Variants in GUCY1A2 observed in about 807,000 individuals in gnomAD.
GUCY1A2 encodes guanylate cyclase 1 soluble subunit alpha 2.
Under a neutral mutation model 63.5 loss-of-function variants are expected in GUCY1A2, and 27 were observed. The ratio of observed to expected loss-of-function variants is 0.43; its 90% CI spans 0.31 to 0.59. GUCY1A2 has a LOEUF of 0.59. GUCY1A2 is among the 20% of genes least tolerant of loss of function. The pLI, the probability that GUCY1A2 is intolerant of heterozygous loss-of-function variation, is 0.11. For synonymous variants in GUCY1A2, 364 were observed against 343.5 expected (o/e 1.06, Z -0.66); for missense variants, 768 against 913.3 (o/e 0.84, Z 2.05).
chr11:106,841,965 C>G (rs1235536687), intron 4 of GUCY1A2, among the ~76,000 whole-genome samples: 1 of 151,852 alleles, frequency 6.6e-6, no homozygotes, highest in Non-Finnish European at 1.5e-5. Context: ...CTGCTCTGTA[C>G]CCCAGGAAGA....
intron 4 of GUCY1A2, among the ~76,000 whole-genome samples, chr11:106,891,031 T>C (rs1021564685): frequency 1.3e-5 from 2 of 152,170 alleles, no homozygotes; most frequent in African/African-American, 4.8e-5. Context: ...AGAAGTATGA[T>C]TAACATTACT....
At chr11:106,863,280 T>C (rs1025019603) in intron 4 of GUCY1A2, among the ~76,000 whole-genome samples, 1 of 152,180 alleles carries the variant, frequency 6.6e-6, no homozygotes, top group African/African-American at 2.4e-5. Context: ...CGGTCTTAGA[T>C]TTAAGTCTTT....
At chr11:106,901,623 C>T (rs1860134208) in intron 4 of GUCY1A2, among the ~76,000 whole-genome samples, 1 of 151,196 alleles carries the variant, frequency 6.6e-6, no homozygotes, top group Non-Finnish European at 1.5e-5. Context: ...AGGTATATCT[C>T]CTAAATCTTT....
At chr11:106,693,010 C>T (rs1337008518) in intron 7 of GUCY1A2, among the ~76,000 whole-genome samples, 3 of 152,106 alleles carry the variant, frequency 2.0e-5, no homozygotes, top group East Asian at 1.9e-4. Flanking sequence ...TTTGTTTCAA[C>T]AACTGGAAAG....
chr11:106,975,389 G>A (rs1281803268), intron 3 of GUCY1A2, among the ~76,000 whole-genome samples: 1 of 152,092 alleles, frequency 6.6e-6, no homozygotes, highest in Non-Finnish European at 1.5e-5. Flanking sequence ...CTAAAAATAG[G>A]CTTTGCAGAT....
intron 7 of GUCY1A2, 58 bp from the exon 8 acceptor site, chr11:106,687,814 G>T: frequency 8.5e-7 from 1 of 1,181,098 alleles, no homozygotes; most frequent in Non-Finnish European, 1.3e-6. Context: ...TAAATACATG[G>T]ACAGAAATTT....
rs138306779 is a variant in GUCY1A2, at chr11:106,712,226, G to T, written c.1837-3560C>A. On this transcript the variant is annotated intron_variant, in intron 6 of 7. Coordinates refer to ENST00000526355, the MANE Select transcript of GUCY1A2 (RefSeq NM_000855.3). ...TAAAATAATTTTCTCCATTTATTTG[G>T]GATAATTTCTATTGCTATGTCTTCA... 6.6e-3 allele frequency among the ~76,000 whole-genome samples: 1,006 copies of T among 151,866 alleles called. 13 individuals are homozygous for T. The highest frequency in any genetic ancestry group is 0.022 in the African/African-American group (911 of 41,420).
chr11:106,927,856 G>A lies in GUCY1A2; in HGVS notation c.1206+11604C>T, dbSNP rs563424056. Among the ~76,000 whole-genome samples, 3 of 151,538 alleles carry A rather than the reference G, an allele frequency of 2.0e-5. No homozygotes were observed. In the South Asian group the frequency reaches 6.3e-4, roughly 32 times the overall value. ...CAAAGTGCTGGGATTACAGGCGTGA[G>A]CCACCACGCCCGGCCTGGAATAAGT... On this transcript the variant is annotated intron_variant, in intron 4 of 7. Coordinates refer to ENST00000526355, the MANE Select transcript of GUCY1A2 (RefSeq NM_000855.3).
chr11:106,856,105 A>ATC (rs1565311261), intron 4 of GUCY1A2, among the ~76,000 whole-genome samples: 1 of 146,084 alleles, frequency 6.8e-6, no homozygotes, highest in African/African-American at 2.5e-5. Context: ...TTTTTTTTGT[A>ATC]TTTTTTTTTT....
At chr11:106,707,746 G>A (rs1283913073) in intron 7 of GUCY1A2, among the ~76,000 whole-genome samples, 1 of 151,920 alleles carries the variant, frequency 6.6e-6, no homozygotes, top group African/African-American at 2.4e-5. Context: ...ATATCTAATA[G>A]GGGAAATTTC....
intron 5 of GUCY1A2, among the ~76,000 whole-genome samples, chr11:106,804,497 A>C (rs1858653272): frequency 6.6e-6 from 1 of 152,238 alleles, no homozygotes; most frequent in South Asian, 2.1e-4. Flanking sequence ...GAAAGGCAAC[A>C]AAACAAGGTG....
chr11:106,981,426 A>G (rs1046715844), intron 2 of GUCY1A2, among the ~76,000 whole-genome samples: 5 of 151,364 alleles, frequency 3.3e-5, no homozygotes, highest in African/African-American at 9.7e-5. Flanking sequence ...GACTAATATG[A>G]GTTTGGCAAC....
At chr11:107,017,659 G>T (rs1330727250) in intron 1 of GUCY1A2, 94 bp downstream of exon 1, 1 of 683,524 alleles carries the variant, frequency 1.5e-6, no homozygotes, top group East Asian at 3.7e-5. Flanking sequence ...CCAGCGGTCG[G>T]GCTCTGCGCT....
chr11:106,881,367 A>C (rs897509197), intron 4 of GUCY1A2, among the ~76,000 whole-genome samples: 1 of 152,094 alleles, frequency 6.6e-6, no homozygotes, highest in African/African-American at 2.4e-5. Flanking sequence ...CTCTGACTTC[A>C]TGAATTATTA....
At chr11:106,782,556 T>G (rs547793495) in intron 5 of GUCY1A2, among the ~76,000 whole-genome samples, 1 of 152,236 alleles carries the variant, frequency 6.6e-6, no homozygotes, top group South Asian at 2.1e-4. Context: ...CTGAGAGAAC[T>G]GGGCCACACC....
intron 1 of GUCY1A2, among the ~76,000 whole-genome samples, chr11:107,016,731 C>T (rs1290367516): frequency 2.0e-5 from 3 of 149,864 alleles, no homozygotes; most frequent in Non-Finnish European, 4.4e-5. Flanking sequence ...GTTTAAATAG[C>T]TAATGTGAGA....
rs1410705205 is a variant in GUCY1A2 at position 106,686,528 on chromosome 11, C to T, written c.*1021G>A. On this transcript the variant is annotated 3_prime_UTR_variant, in exon 8 of 8. Coordinates refer to ENST00000526355, the MANE Select transcript of GUCY1A2 (RefSeq NM_000855.3). ...GGAATTTGTTCTCAAGAATAGCAGT[C>T]GGCTCTTAGGAGGCATCAACTGGGG... is the stretch of plus-strand genomic sequence containing the variant. 1.8e-5 allele frequency: 4 copies of T among 216,378 alleles called. No individual in the cohort carries two copies. Among genetic ancestry groups the T allele is most frequent in the South Asian group, 3.7e-4 (2 of 5,388 alleles). 13.4% of individuals were successfully genotyped at this position (216,378 alleles called of 1,614,324 possible). A position where few individuals can be genotyped will look rare whatever the true frequency, so the allele number is the denominator to read the frequency against.
At chr11:106,791,748 CT>C (rs1864664955) in intron 5 of GUCY1A2, among the ~76,000 whole-genome samples, 1 of 151,196 alleles carries the variant, frequency 6.6e-6, no homozygotes, top group Non-Finnish European at 1.5e-5. Flanking sequence ...CCAAGTCCAC[CT>C]CTCATGCCAC....
chr11:106,900,233 G>C (rs1316418556), intron 4 of GUCY1A2, among the ~76,000 whole-genome samples: 2 of 152,082 alleles, frequency 1.3e-5, no homozygotes, highest in Non-Finnish European at 2.9e-5. Flanking sequence ...ACCCAGGCTG[G>C]AGTACAGCGG....
Sources: gnomAD v4.1 joint callset for allele counts (sites outside exome capture counted in the v4.1 genomes callset) on GRCh38, gnomAD v4.1.1 for gene constraint, MANE v1.5 for transcripts, NCBI Gene and HGNC (gene_info 2026-07-23, HGNC 2026-07-21) for gene names.